Variants in LSP1 observed in about 807,000 individuals in gnomAD.
LSP1 encodes the protein lymphocyte-specific protein 1.
A neutral mutation model predicts 49.3 loss-of-function variants in LSP1; 32 were observed. The ratio of observed to expected loss-of-function variants is 0.65; its 90% CI spans 0.49 to 0.87. The LOEUF is 0.87. Among genes scored for constraint, LSP1 ranks in the 40% least tolerant of loss-of-function variants. The probability of loss-of-function intolerance (pLI) is 0.00; values close to 1 mark genes in which losing one functional copy is unlikely to be tolerated. For missense variants in LSP1, 428 were observed against 442.6 expected (o/e 0.97, Z 0.30); for synonymous variants, 179 against 178.8 (o/e 1.00, Z -0.01).
intron 1 of LSP1, chr11:1,876,650 G>A (rs1848322535): frequency 2.0e-6 from 2 of 984,980 alleles, no homozygotes; most frequent in South Asian, 9.4e-5. Flanking sequence ...ACGGAGGTGG[G>A]TAGCTGGGAG....
intron 1 of LSP1, chr11:1,876,333 C>G (rs953401042): frequency 4.4e-6 from 2 of 451,866 alleles, no homozygotes; most frequent in Non-Finnish European, 5.8e-6. Flanking sequence ...TGCAGGGAGC[C>G]CCGAACCACC....
intron 7 of LSP1, among the ~76,000 whole-genome samples, chr11:1,885,903 T>C (rs10839934): frequency 0.48 from 72,434 of 151,804 alleles, 17,864 homozygotes; most frequent in East Asian, 0.81. Flanking sequence ...AACCAACCAA[T>C]ACTCCTCCAT....
intron 1 of LSP1, chr11:1,866,620 C>T (rs1318719888): frequency 6.5e-7 from 1 of 1,550,386 alleles, no homozygotes; most frequent in African/African-American, 1.4e-5. Context: ...CCTCCTCCTC[C>T]TGGGCTTCCA....
chr11:1,869,122 T>A, intron 1 of LSP1: 8 of 606,120 alleles, frequency 1.3e-5, no homozygotes, highest in Non-Finnish European at 1.7e-5. Context: ...GTGAGGGGCT[T>A]GGCCCCTGCC....
intron 10 of LSP1, chr11:1,889,421 G>A (rs1049597132): frequency 5.9e-6 from 4 of 672,924 alleles, no homozygotes; most frequent in Admixed American, 4.3e-5. Context: ...CCCGGGGTGC[G>A]GTGAGGGCGG....
At chr11:1,883,597 C>A in intron 4 of LSP1, 37 bp downstream of exon 4, 2 of 1,572,824 alleles carry the variant, frequency 1.3e-6, no homozygotes, top group East Asian at 2.3e-5. Context: ...GGTGTACCCC[C>A]ACCCCAGGGA....
At chr11:1,864,647 G>A (rs1349604900) in intron 1 of LSP1, among the ~76,000 whole-genome samples, 1 of 151,996 alleles carries the variant, frequency 6.6e-6, no homozygotes, top group African/African-American at 2.4e-5. Context: ...AGGAGAAGGG[G>A]GCTGGGGGAA....
chr11:1,881,476 A>G lies in LSP1; in HGVS notation c.236A>G (p.Glu79Gly). Reference protein sequence around the residue: ...PSEAPELDEDEGFGDWSQRPE... With the variant: ...PSEAPELDEDGGFGDWSQRPE... ...GAGGCCCCTGAACTGGATGAGGACG[A>G]GGGCTTTGGCGACTGGTCCCAGAGG... Residue 79 changes from glutamate (E) to glycine (G), a missense_variant, in exon 3 of 11, where the codon GAG (glutamate) becomes GGG (glycine). By Grantham distance (98) the Glu-to-Gly change is moderately conservative. Transcript: ENST00000311604. 6.3e-7 allele frequency: 1 copy of G among 1,581,086 alleles called. No individual in the cohort carries two copies. The highest frequency in any genetic ancestry group is 1.2e-5 in the South Asian group (1 of 86,508).
intron 1 of LSP1, among the ~76,000 whole-genome samples, chr11:1,854,942 AG>A (rs967508696): frequency 4.6e-5 from 7 of 151,868 alleles, no homozygotes; most frequent in Admixed American, 3.3e-4. Context: ...AGGAGCGGGG[AG>A]GGGGGGTTGG....
At chr11:1,875,667 C>T (rs1848276838) in intron 1 of LSP1, among the ~76,000 whole-genome samples, 1 of 152,264 alleles carries the variant, frequency 6.6e-6, no homozygotes, top group Admixed American at 6.5e-5. Context: ...TTGACCCCCA[C>T]CCTCCCCTGC....
In LSP1 at chr11:1,886,811, G is replaced by T; in HGVS notation, c.797G>T (p.Arg266Leu). 1.2e-6 allele frequency: 2 copies of T among 1,611,858 alleles called. No individual in the cohort carries two copies. Among genetic ancestry groups the T allele is most frequent in the South Asian group, 2.2e-5 (2 of 90,992 alleles). Residue 266 changes from arginine to leucine, a missense_variant, in exon 8 of 11, where the codon CGG becomes CTG. Physicochemically the swap from Arg to Leu is moderately radical, Grantham distance 102 (BLOSUM62 -2). Coordinates refer to ENST00000311604, the MANE Select transcript of LSP1 (RefSeq NM_002339.3). The part of the protein sequence containing the change: ...PSMAVASTKS[R>L]WETGEVQAQS... The stretch of plus-strand genomic sequence containing the variant: ...ATGGCTGTGGCCAGTACCAAGAGTC[G>T]GTGGGAGACGGGTGAGGTACAGGCT...
intron 1 of LSP1, among the ~76,000 whole-genome samples, chr11:1,875,800 G>A (rs932572992): frequency 1.3e-5 from 2 of 152,188 alleles, no homozygotes; most frequent in African/African-American, 2.4e-5. Context: ...GGCGGACGGC[G>A]CATGCCCCTC....
intron 10 of LSP1, chr11:1,889,503 C>G (rs187838363): frequency 3.2e-6 from 2 of 617,648 alleles, no homozygotes; most frequent in African/African-American, 3.7e-5. Context: ...CAGGCTCTGC[C>G]GCGGCTCTGG....
At chr11:1,885,157 C>T (rs1200609630) in intron 7 of LSP1, among the ~76,000 whole-genome samples, 5 of 151,642 alleles carry the variant, frequency 3.3e-5, no homozygotes, top group African/African-American at 1.2e-4. Context: ...CAATGTCCCT[C>T]CCATCCAATC....
chr11:1,887,541 T>G lies in LSP1; in HGVS notation c.998T>G (p.Val333Gly). ...TGHGKYEKVL[V>G]EGGPAP ...CATGGGAAGTATGAGAAGGTGCTTGTGGAAGGGGGCCCGGCTCCCTAGGCG... is the reference window on the plus strand; with the variant it reads ...CATGGGAAGTATGAGAAGGTGCTTGGGGAAGGGGGCCCGGCTCCCTAGGCG... The change falls in exon 10 of 11, where the codon GTG becomes GGG. Residue 333 changes from valine to glycine, a missense_variant. Physicochemically the swap from Val to Gly is moderately radical, Grantham distance 109. Coordinates refer to ENST00000311604, the MANE Select transcript of LSP1 (RefSeq NM_002339.3). The G allele has an allele frequency of 6.2e-7, 1 of 1,613,154 alleles. No individual in the cohort carries two copies. Among genetic ancestry groups the G allele is most frequent in the African/African-American group, 1.3e-5 (1 of 74,696 alleles).
chr11:1,887,417 C>A (rs926362300), intron 9 of LSP1, 57 bp from the exon 10 acceptor site: 11 of 1,577,966 alleles, frequency 7.0e-6, no homozygotes, highest in African/African-American at 6.7e-5. Context: ...GAGGCGGAGG[C>A]AGCATCATCT....
In LSP1 at chr11:1,884,191, G is replaced by T. The variant is rs1263683812; in HGVS notation, c.592-89G>T. ...AACCCCCATGATATAAGGGTTGGGG[G>T]TTGGATTAGTGGTTGGAGTAGCTGG... On this transcript the variant is annotated intron_variant, in intron 5 of 10. Coordinates refer to ENST00000311604, the MANE Select transcript of LSP1 (RefSeq NM_002339.3). This position sits in a 1 kb window ranked among gnomAD's most constrained non-coding sequence, Gnocchi z 4.1. The T allele has an allele frequency of 3.3e-6, 5 of 1,524,564 alleles. No homozygotes were observed. Among genetic ancestry groups the T allele is most frequent in the South Asian group, 1.1e-5 (1 of 89,356 alleles). The allele number at this position is 1,524,564 out of a possible 1,614,324, so 94.4% of individuals were successfully genotyped here.
intron 3 of LSP1, among the ~76,000 whole-genome samples, chr11:1,883,059 G>A (rs1040275524): frequency 4.6e-5 from 7 of 152,306 alleles, no homozygotes; most frequent in African/African-American, 1.7e-4. Flanking sequence ...GGCCTCGCGG[G>A]GACCCCGTCA....
At chr11:1,889,899 C>T (rs1016135078) in intron 10 of LSP1, 13 of 626,760 alleles carry the variant, frequency 2.1e-5, no homozygotes, top group Admixed American at 5.6e-5. Flanking sequence ...GGGCAGTGGG[C>T]GGATGTGAGC....
Sources: allele counts gnomAD v4.1 joint callset (sites outside exome capture counted in the v4.1 genomes callset), GRCh38; gene constraint gnomAD v4.1.1; non-coding constraint Gnocchi (gnomAD v3.1); transcripts MANE v1.5; gene names NCBI Gene and HGNC (gene_info 2026-07-23, HGNC 2026-07-21).